Variants in ACSL3 observed in about 807,000 individuals in gnomAD.
ACSL3 encodes acyl-CoA synthetase long chain family member 3.
A neutral mutation model predicts 84.7 loss-of-function variants in ACSL3; 34 were observed. The observed-to-expected ratio is 0.40, with a 90% CI of 0.31 to 0.53. The LOEUF (loss-of-function observed/expected upper bound fraction) is 0.53. Ranked by LOEUF, ACSL3 falls within the 20% of genes least tolerant of loss-of-function variation. The probability of loss-of-function intolerance (pLI) is 0.48; values close to 1 mark genes in which losing one functional copy is unlikely to be tolerated. For missense variants in ACSL3, 680 were observed against 873.1 expected (o/e 0.78, Z 2.79); for synonymous variants, 315 against 299.4 (o/e 1.05, Z -0.54).
At position 222,933,456 on chromosome 2, in the gene ACSL3, C is replaced by CA. The variant is rs909047163; in HGVS notation, c.1847+176_1847+177insA. 3 of 488,708 alleles carry CA rather than the reference C, an allele frequency of 6.1e-6. No homozygotes were observed. The African/African-American group carries it at 7.0e-5, about 11-fold the overall frequency. The allele number at this position is 488,708 out of a possible 1,614,324, so 30.3% of individuals were successfully genotyped here. Reference sequence around the variant, plus strand: ...GCTGACTCTTTTCCTTGTAAGGCTTCCCCTGATCTTTCTCTCTGTCCCTGT... The same window carrying CA: ...GCTGACTCTTTTCCTTGTAAGGCTTCACCCTGATCTTTCTCTCTGTCCCTGT... On this transcript the variant is annotated intron_variant, in intron 15 of 16. Transcript: ENST00000357430.
At chr2:222,902,540 A>C (rs1574540499) in intron 3 of ACSL3, among the ~76,000 whole-genome samples, 2 of 152,372 alleles carry the variant, frequency 1.3e-5, no homozygotes, top group East Asian at 3.9e-4. Flanking sequence ...CATTCAATTT[A>C]TTATAATGCT....
chr2:222,891,157 T>G (rs902590410), intron 2 of ACSL3, among the ~76,000 whole-genome samples: 9 of 152,238 alleles, frequency 5.9e-5, no homozygotes, highest in Non-Finnish European at 1.2e-4. Context: ...CCTGAAATAC[T>G]TATATAGCTG....
At chr2:222,905,574 C>G (rs910343786) in intron 3 of ACSL3, among the ~76,000 whole-genome samples, 2 of 152,212 alleles carry the variant, frequency 1.3e-5, no homozygotes, top group African/African-American at 4.8e-5. Context: ...CTTTGCAACT[C>G]TGATGTTCTA....
chr2:222,862,177 G>C (rs1271382507), intron 1 of ACSL3, among the ~76,000 whole-genome samples: 2 of 152,188 alleles, frequency 1.3e-5, no homozygotes, highest in African/African-American at 4.8e-5. Flanking sequence ...TACATGCCAC[G>C]CACTGTTTGG....
chr2:222,916,761 G>A (rs1412320624), intron 5 of ACSL3: 10 of 274,642 alleles, frequency 3.6e-5, no homozygotes, highest in South Asian at 1.5e-4. Context: ...CTTAGGGGCC[G>A]TTGTTCCAAT....
intron 16 of ACSL3, among the ~76,000 whole-genome samples, chr2:222,940,243 T>A (rs956434087): frequency 1.3e-5 from 2 of 152,250 alleles, no homozygotes; most frequent in African/African-American, 4.8e-5. Context: ...GGGAATATCC[T>A]GGTTCAATGA....
chr2:222,865,185 ACAT>A (rs1695105717), intron 1 of ACSL3, among the ~76,000 whole-genome samples: 1 of 152,198 alleles, frequency 6.6e-6, no homozygotes, highest in Non-Finnish European at 1.5e-5. Context: ...TGTTTTCCTG[ACAT>A]CATAGGTGCC....
intron 2 of ACSL3, among the ~76,000 whole-genome samples, chr2:222,899,354 C>G (rs1395273894): frequency 3.3e-5 from 5 of 151,690 alleles, no homozygotes. Context: ...AGGCGACTGT[C>G]GTCCCAGCTA....
chr2:222,937,268 TTGA>T (rs1253795458), intron 16 of ACSL3, among the ~76,000 whole-genome samples: 1 of 152,216 alleles, frequency 6.6e-6, no homozygotes, highest in African/African-American at 2.4e-5. Context: ...ATTTTTCGTG[TTGA>T]TTTTTTTTAT....
At position 222,944,147 on chromosome 2, in the gene ACSL3, A is replaced by G. The variant is rs1034888601; in HGVS notation, c.*2493A>G. ...CAGAACAAACCTGAAAGTAGTATCT[A>G]CTTTCTAAATACTACTTTGCTTTTC... On this transcript the variant is annotated 3_prime_UTR_variant, in exon 17 of 17. Transcript: ENST00000357430. The G allele has an allele frequency of 6.6e-6, 1 of 152,096 alleles. No individual in the cohort carries two copies. Among genetic ancestry groups the G allele is most frequent in the African/African-American group, 2.4e-5 (1 of 41,434 alleles). The allele number at this position is 152,096 out of a possible 1,614,324, so 9.4% of individuals were successfully genotyped here. A position where few individuals can be genotyped will look rare whatever the true frequency, so the allele number is the denominator to read the frequency against.
chr2:222,895,124 C>G (rs1207238586), intron 2 of ACSL3, among the ~76,000 whole-genome samples: 3 of 152,172 alleles, frequency 2.0e-5, no homozygotes, highest in African/African-American at 7.2e-5. Context: ...CCTGCCTTTG[C>G]TATTCCTTTT....
chr2:222,877,659 A>C (rs920469930), intron 1 of ACSL3, among the ~76,000 whole-genome samples: 2 of 152,224 alleles, frequency 1.3e-5, no homozygotes, highest in Admixed American at 6.5e-5. Context: ...GACATAGTGT[A>C]AAACTGGCAT....
chr2:222,906,717 C>T (rs1160662593), intron 3 of ACSL3, among the ~76,000 whole-genome samples: 3 of 151,918 alleles, frequency 2.0e-5, no homozygotes, highest in Non-Finnish European at 2.9e-5. Context: ...CAGGTTCAAG[C>T]GATTCTCCTG....
intron 3 of ACSL3, among the ~76,000 whole-genome samples, chr2:222,904,073 G>A (rs1366474995): frequency 6.6e-6 from 1 of 152,140 alleles, no homozygotes; most frequent in Non-Finnish European, 1.5e-5. Flanking sequence ...TCAGGAGTTC[G>A]AGACCAGCCT....
chr2:222,876,317 GTTGT>G (rs900246679), intron 1 of ACSL3, among the ~76,000 whole-genome samples: 7 of 151,870 alleles, frequency 4.6e-5, no homozygotes, highest in Admixed American at 6.6e-5. Context: ...TTTTGTTGTT[GTTGT>G]TTGTTTGTTT....
chr2:222,911,403 G>C (rs1696437252), intron 4 of ACSL3, among the ~76,000 whole-genome samples: 1 of 152,162 alleles, frequency 6.6e-6, no homozygotes, highest in Admixed American at 6.6e-5. Flanking sequence ...AAATCGGGTA[G>C]TTATGAGAAG....
chr2:222,871,680 G>T (rs942704791), intron 1 of ACSL3, among the ~76,000 whole-genome samples: 19 of 152,172 alleles, frequency 1.2e-4, no homozygotes, highest in African/African-American at 4.3e-4. Flanking sequence ...GAAGGACATG[G>T]TTGTCACAGA....
intron 13 of ACSL3, among the ~76,000 whole-genome samples, chr2:222,929,504 G>A (rs1302211454): frequency 2.6e-5 from 4 of 152,176 alleles, no homozygotes; most frequent in East Asian, 1.9e-4. Flanking sequence ...GATTCTGGCC[G>A]GGCGCAGTGG....
At chr2:222,926,959 G>C (rs1205960721) in intron 11 of ACSL3, 58 bp from the exon 12 acceptor site, 5 of 1,563,512 alleles carry the variant, frequency 3.2e-6, no homozygotes, top group Non-Finnish European at 4.4e-6. Context: ...TAGTTTAAGT[G>C]ATTTGGAAAA....
Sources: gnomAD v4.1 joint callset for allele counts (sites outside exome capture counted in the v4.1 genomes callset) on GRCh38, gnomAD v4.1.1 for gene constraint, MANE v1.5 for transcripts, NCBI Gene and HGNC (gene_info 2026-07-23, HGNC 2026-07-21) for gene names.